Variants in CDC45 observed in about 807,000 individuals in gnomAD.
The protein encoded by CDC45 is cell division control protein 45 homolog.
Under a neutral mutation model 77.8 loss-of-function variants are expected in CDC45, and 54 were observed. The ratio of observed to expected loss-of-function variants is 0.69; its 90% CI spans 0.56 to 0.87. The LOEUF (loss-of-function observed/expected upper bound fraction) is 0.87. Among genes scored for constraint, CDC45 ranks in the 40% least tolerant of loss-of-function variants. The pLI is 0.00. For synonymous variants in CDC45, 260 were observed against 272.1 expected (o/e 0.96, Z 0.44); for missense variants, 649 against 721.6 (o/e 0.90, Z 1.15).
rs148803778 is a variant in CDC45 at position 19,516,130 on chromosome 22, C to T, written c.1441-397C>T. ...TGCCAGGGGATGGAGCAGGATGAGG[C>T]GGGGTGGGCTGGGGCCTCCTGGAGA... On this transcript the variant is annotated intron_variant, in intron 15 of 18. Transcript: ENST00000263201. Among the ~76,000 whole-genome samples the T allele has an allele frequency of 4.8e-4, 73 of 151,898 alleles. 1 individual carries two copies. Among genetic ancestry groups the T allele is most frequent in the Middle Eastern group, 3.4e-3 (1 of 294 alleles).
chr22:19,507,739 C>T (rs545582917), intron 11 of CDC45, 27 bp from the exon 12 acceptor site: 2 of 1,542,762 alleles, frequency 1.3e-6, no homozygotes, highest in South Asian at 1.2e-5. Context: ...TGACCTCACT[C>T]ATGTGGCTTG....
chr22:19,510,782 C>T (rs1933470082), intron 13 of CDC45, among the ~76,000 whole-genome samples: 1 of 152,232 alleles, frequency 6.6e-6, no homozygotes, highest in Non-Finnish European at 1.5e-5. Flanking sequence ...CTGCCTCGGC[C>T]TCCCAAAGTG....
At chr22:19,516,319 G>A (rs1170245337) in intron 15 of CDC45, 4 of 597,880 alleles carry the variant, frequency 6.7e-6, no homozygotes, top group Non-Finnish European at 1.2e-5. Flanking sequence ...GGGAGGGCAG[G>A]TGTTTGGAGA....
intron 9 of CDC45, among the ~76,000 whole-genome samples, chr22:19,501,854 ACAGG>A (rs1932913146): frequency 6.6e-6 from 1 of 152,114 alleles, no homozygotes; most frequent in African/African-American, 2.4e-5. Context: ...AGCCGGGACT[ACAGG>A]CATGTGTCGC....
intron 7 of CDC45, among the ~76,000 whole-genome samples, chr22:19,496,603 T>C (rs1399143407): frequency 6.6e-6 from 1 of 152,186 alleles, no homozygotes; most frequent in African/African-American, 2.4e-5. Flanking sequence ...GGATCATCCT[T>C]TTGCTGTCTC....
chr22:19,503,351 C>T lies in CDC45; in HGVS notation c.705-2011C>T, dbSNP rs368363568. 1.3e-4 allele frequency among the ~76,000 whole-genome samples: 20 copies of T among 152,242 alleles called. No homozygotes were observed. The East Asian group carries it at 1.7e-3, about 13-fold the overall frequency. ...TCAATATTTCTCATTCCAGCTGAGA[C>T]GATATACACACAACAAAAATGCAGA... On this transcript the variant is annotated intron_variant, in intron 9 of 18. Transcript: ENST00000263201.
intron 13 of CDC45, among the ~76,000 whole-genome samples, chr22:19,514,050 G>T (rs1933651894): frequency 6.6e-6 from 1 of 152,180 alleles, no homozygotes; most frequent in Non-Finnish European, 1.5e-5. Flanking sequence ...TGTAAGAGTT[G>T]CACACATCTC....
chr22:19,500,288 C>T (rs1230017173), intron 9 of CDC45, among the ~76,000 whole-genome samples: 2 of 152,114 alleles, frequency 1.3e-5, no homozygotes, highest in African/African-American at 4.8e-5. Flanking sequence ...GTGGCACTTC[C>T]TGTACAGGAT....
chr22:19,505,432 G>A lies in CDC45; in HGVS notation c.775G>A (p.Glu259Lys), dbSNP rs1163193931. ...CCGCCACAACCACCGGAACGAGGAT[G>A]AGGAGAACACACTCTCCGTGGACTG... ...VSRHNHRNED[E>K]ENTLSVDCTR... The change falls in exon 10 of 19, where the codon GAG (glutamate) becomes AAG (lysine). Residue 259 changes from glutamate to lysine, a missense_variant. By Grantham distance (56) the Glu-to-Lys change is moderately conservative. Coordinates refer to ENST00000263201, the MANE Select transcript of CDC45 (RefSeq NM_003504.5). 6.2e-7 allele frequency: 1 copy of A among 1,613,948 alleles called. No individual in the cohort carries two copies. Among genetic ancestry groups the A allele is most frequent in the Non-Finnish European group, 8.5e-7 (1 of 1,179,922 alleles).
chr22:19,479,917 G>T, upstream of CDC45: 1 of 1,604,164 alleles, frequency 6.2e-7, no homozygotes, highest in East Asian at 2.2e-5. Flanking sequence ...CTTGACCGCC[G>T]CCGGGCTCTT....
chr22:19,494,748 T>C, intron 6 of CDC45: 2 of 708,612 alleles, frequency 2.8e-6, no homozygotes, highest in Admixed American at 4.8e-5. Context: ...GAAGTGAGCA[T>C]GCAGCAGCGC....
At chr22:19,496,200 A>G (rs1442927378) in intron 7 of CDC45, among the ~76,000 whole-genome samples, 171 bp downstream of exon 7, 1 of 152,212 alleles carries the variant, frequency 6.6e-6, no homozygotes, top group African/African-American at 2.4e-5. Flanking sequence ...TCTGAGCCTT[A>G]AACATCTCCT....
At chr22:19,501,004 C>T (rs1270075268) in intron 9 of CDC45, among the ~76,000 whole-genome samples, 1 of 152,110 alleles carries the variant, frequency 6.6e-6, no homozygotes, top group Non-Finnish European at 1.5e-5. Flanking sequence ...TGGTGAAACA[C>T]CGTCTCTACT....
At chr22:19,503,000 A>T (rs1225626043) in intron 9 of CDC45, among the ~76,000 whole-genome samples, 1 of 152,036 alleles carries the variant, frequency 6.6e-6, no homozygotes, top group African/African-American at 2.4e-5. Flanking sequence ...ACCCCTCTCT[A>T]TAAAAATAAA....
chr22:19,497,233 C>T (rs112185965), intron 7 of CDC45, among the ~76,000 whole-genome samples, 153 bp from the exon 8 acceptor site: 5 of 152,336 alleles, frequency 3.3e-5, no homozygotes, highest in South Asian at 4.1e-4. Flanking sequence ...TCCCACATGT[C>T]GGGCTGGAAT....
intron 3 of CDC45, among the ~76,000 whole-genome samples, chr22:19,481,310 G>A (rs1439980373): frequency 2.6e-5 from 4 of 152,160 alleles, no homozygotes; most frequent in Admixed American, 6.5e-5. Flanking sequence ...TGATTGTAAG[G>A]TGCTTGGAAT....
chr22:19,494,040 AG>A (rs2090198403), intron 5 of CDC45, among the ~76,000 whole-genome samples: 1 of 152,204 alleles, frequency 6.6e-6, no homozygotes. Context: ...GGGTGACAGC[AG>A]CTAGGGTGGA....
At chr22:19,516,693 G>A (rs1167636284) in intron 16 of CDC45, 48 bp downstream of exon 16, 1 of 1,551,488 alleles carries the variant, frequency 6.4e-7, no homozygotes. Context: ...GGGGTGTTGG[G>A]GTTATCAGCT....
chr22:19,500,269 T>C (rs541978107), intron 9 of CDC45, among the ~76,000 whole-genome samples: 1 of 152,272 alleles, frequency 6.6e-6, no homozygotes, highest in Admixed American at 6.5e-5. Context: ...CCTGCTCTCA[T>C]TGTGCTCAGT....
Sources: allele counts gnomAD v4.1 joint callset (sites outside exome capture counted in the v4.1 genomes callset), GRCh38; gene constraint gnomAD v4.1.1; transcripts MANE v1.5; gene names NCBI Gene and HGNC (gene_info 2026-07-23, HGNC 2026-07-21).